Variants in THADA observed in about 807,000 individuals in gnomAD.
The protein encoded by THADA is THADA armadillo repeat containing.
In THADA, 213 loss-of-function variants were observed where a neutral mutation model predicts 219.8. The ratio of observed to expected loss-of-function variants is 0.97; its 90% CI spans 0.87 to 1.09. The LOEUF is 1.09. Ranked by LOEUF, THADA falls within the 50% of genes least tolerant of loss-of-function variation. The pLI is 0.00. For missense variants in THADA, 2,956 were observed against 2,311.3 expected (o/e 1.28, Z -5.72); for synonymous variants, 1,018 against 828.9 (o/e 1.23, Z -3.92).
intron 26 of THADA, among the ~76,000 whole-genome samples, chr2:43,480,514 G>C (rs1686063065): frequency 6.6e-6 from 1 of 152,100 alleles, no homozygotes; most frequent in South Asian, 2.1e-4. Context: ...AGAACTGTTT[G>C]GGTTTGAGGA....
chr2:43,276,316 T>C (rs893982816), intron 36 of THADA, among the ~76,000 whole-genome samples: 3 of 151,654 alleles, frequency 2.0e-5, no homozygotes, highest in African/African-American at 7.3e-5. Flanking sequence ...AGGGAGAGAG[T>C]TGTTAACAGG....
rs35803641 is a variant in THADA, at chr2:43,457,133, TACACACACACACACAC to T, written c.3837-26847_3837-26832del. ...GTAGAAAAAACGTATTTAGGATATC[TACACACACACACACAC>T]ACACACACACACACACACACACACA... On this transcript the variant is annotated intron_variant, in intron 26 of 37. Coordinates refer to ENST00000405975, the MANE Select transcript of THADA (RefSeq NM_022065.5). Among the ~76,000 whole-genome samples, 121 of 126,252 alleles carry T rather than the reference TACACACACACACACAC, an allele frequency of 9.6e-4. 1 individual carries two copies. The highest frequency in any genetic ancestry group is 3.0e-3 in the African/African-American group (104 of 34,548). 82.8% of individuals were successfully genotyped at this position (126,252 alleles called of 152,430 possible).
chr2:43,364,283 A>G (rs1453436533), intron 29 of THADA, among the ~76,000 whole-genome samples: 2 of 152,184 alleles, frequency 1.3e-5, no homozygotes, highest in Non-Finnish European at 2.9e-5. Context: ...AGGTAATATG[A>G]CAGACTTGAA....
At chr2:43,375,876 GAATAA>G (rs1161988102) in intron 29 of THADA, among the ~76,000 whole-genome samples, 138 of 152,248 alleles carry the variant, frequency 9.1e-4, no homozygotes, top group Non-Finnish European at 1.7e-3. Context: ...CCAAGAAAAG[GAATAA>G]AACAAAGCAC....
intron 31 of THADA, among the ~76,000 whole-genome samples, chr2:43,295,366 C>A (rs1418950608): frequency 6.6e-6 from 1 of 152,238 alleles, no homozygotes; most frequent in Non-Finnish European, 1.5e-5. Context: ...CTCTTCCAGG[C>A]TCTCACTAAT....
intron 35 of THADA, among the ~76,000 whole-genome samples, chr2:43,283,284 T>C (rs555753011): frequency 1.3e-5 from 2 of 152,262 alleles, no homozygotes; most frequent in African/African-American, 4.8e-5. Context: ...TAGTTCTATA[T>C]AGGAGTGTGA....
At chr2:43,578,420 T>A in intron 9 of THADA, 93 bp downstream of exon 9, 1 of 884,924 alleles carries the variant, frequency 1.1e-6, no homozygotes, top group African/African-American at 1.7e-5. Flanking sequence ...GTGTTGGGAT[T>A]ATAAGTGTGA....
chr2:43,463,839 G>A (rs1057002208), intron 26 of THADA, among the ~76,000 whole-genome samples: 1 of 152,150 alleles, frequency 6.6e-6, no homozygotes, highest in Admixed American at 6.5e-5. Context: ...GAAGGAAAGA[G>A]CAGGATGGTT....
intron 26 of THADA, among the ~76,000 whole-genome samples, chr2:43,474,564 T>C (rs1685286998): frequency 6.6e-6 from 1 of 152,070 alleles, no homozygotes; most frequent in South Asian, 2.1e-4. Flanking sequence ...GCTGAATGAA[T>C]GATGAAGAAA....
At chr2:43,417,289 A>G (rs181589812) in intron 28 of THADA, among the ~76,000 whole-genome samples, 1 of 152,172 alleles carries the variant, frequency 6.6e-6, no homozygotes, top group Admixed American at 6.5e-5. Context: ...AATTATGCAT[A>G]AATAGCAGCC....
intron 28 of THADA, among the ~76,000 whole-genome samples, chr2:43,421,021 A>AT (rs1303385332): frequency 6.6e-6 from 1 of 152,234 alleles, no homozygotes; most frequent in Non-Finnish European, 1.5e-5. Flanking sequence ...GATCCTCCCT[A>AT]TATAAGGCCT....
At chr2:43,436,702 C>A (rs968401270) in intron 26 of THADA, among the ~76,000 whole-genome samples, 10 of 152,160 alleles carry the variant, frequency 6.6e-5, no homozygotes, top group African/African-American at 2.4e-4. Flanking sequence ...AGAATACATT[C>A]TTTGGACTAA....
At chr2:43,315,760 T>C (rs1200970556) in intron 31 of THADA, among the ~76,000 whole-genome samples, 1 of 152,222 alleles carries the variant, frequency 6.6e-6, no homozygotes, top group Non-Finnish European at 1.5e-5. Context: ...AGCCACTGCA[T>C]CCAGCCAGTT....
At chr2:43,275,965 A>G (rs1419299178) in intron 36 of THADA, among the ~76,000 whole-genome samples, 1 of 152,224 alleles carries the variant, frequency 6.6e-6, no homozygotes, top group Non-Finnish European at 1.5e-5. Flanking sequence ...AACAGATCTG[A>G]GTGGCCGCTT....
chr2:43,391,089 A>G (rs536536809), intron 29 of THADA, among the ~76,000 whole-genome samples: 1 of 152,304 alleles, frequency 6.6e-6, no homozygotes, highest in East Asian at 1.9e-4. Flanking sequence ...CACCAGTAGG[A>G]TGGGAATAAC....
rs187603441 is a variant in THADA at position 43,581,508 on chromosome 2, C to A, written c.721+233G>T. Among the ~76,000 whole-genome samples the A allele has an allele frequency of 6.3e-4, 91 of 145,138 alleles. No individual in the cohort carries two copies. In the East Asian group the frequency reaches 0.015, roughly 24 times the overall value. ...GCAGTGAATAAACATCACGCCACTA[C>A]ACTCCAGCCTGGGCAGCACAGTGAG... On this transcript the variant is annotated intron_variant, in intron 8 of 37. Transcript: ENST00000405975.
chr2:43,298,537 T>C (rs1675863170), intron 31 of THADA, among the ~76,000 whole-genome samples: 2 of 146,580 alleles, frequency 1.4e-5, no homozygotes, highest in Non-Finnish European at 3.0e-5. Context: ...TTCCCTCCAC[T>C]GTTGTCCCAT....
At chr2:43,581,224 C>T (rs896627555) in intron 8 of THADA, among the ~76,000 whole-genome samples, 1 of 151,950 alleles carries the variant, frequency 6.6e-6, no homozygotes, top group Non-Finnish European at 1.5e-5. Flanking sequence ...TCTTCCAAGG[C>T]AAGAAATAGA....
At chr2:43,283,784 A>G (rs1037311797) in intron 35 of THADA, among the ~76,000 whole-genome samples, 2 of 152,258 alleles carry the variant, frequency 1.3e-5, no homozygotes, top group Admixed American at 1.3e-4. Flanking sequence ...ACTTACATTT[A>G]AAAGAAAGTG....
Sources: allele counts gnomAD v4.1 joint callset (sites outside exome capture counted in the v4.1 genomes callset), GRCh38; gene constraint gnomAD v4.1.1; transcripts MANE v1.5; gene names NCBI Gene and HGNC (gene_info 2026-07-23, HGNC 2026-07-21).